MAMLD1: variants seen among roughly 807,000 people sequenced by gnomAD.
The protein encoded by MAMLD1 is mastermind-like domain-containing protein 1.
MAMLD1 carries 14 observed loss-of-function variants against 45.0 expected under a neutral mutation model. The ratio of observed to expected loss-of-function variants is 0.31; its 90% CI spans 0.21 to 0.49. MAMLD1 has a LOEUF of 0.49. Ranked by LOEUF, MAMLD1 falls within the 20% of genes least tolerant of loss-of-function variation. The pLI, the probability that MAMLD1 is intolerant of heterozygous loss-of-function variation, is 0.99. For synonymous variants in MAMLD1, 254 were observed against 247.8 expected, an observed-to-expected ratio of 1.02 and a Z score of -0.24; for missense variants, 543 against 603.6, an observed-to-expected ratio of 0.90 and a Z score of 1.05.
intron 1 of MAMLD1, among the ~76,000 whole-genome samples, chrX:150,400,963 C>T (rs1480870457): frequency 9.1e-6 from 1 of 109,973 alleles, no homozygotes; most frequent in Non-Finnish European, 1.9e-5. Flanking sequence ...CAGGATGATG[C>T]TGGCCTCATA....
intron 5 of MAMLD1, among the ~76,000 whole-genome samples, chrX:150,489,102 C>G (rs1383884369): frequency 8.9e-6 from 1 of 112,160 alleles, no homozygotes; most frequent in African/African-American, 3.2e-5. Context: ...TACAGAATAA[C>G]AATAAAACTC....
At chrX:150,396,302 T>G (rs1200139587) in intron 1 of MAMLD1, among the ~76,000 whole-genome samples, 1 of 109,046 alleles carries the variant, frequency 9.2e-6, no homozygotes, top group Admixed American at 9.8e-5. Flanking sequence ...ACCTAGCCTC[T>G]TCTTTTCTAA....
intron 1 of MAMLD1, among the ~76,000 whole-genome samples, chrX:150,369,362 T>C (rs1557400910): frequency 2.7e-5 from 3 of 112,343 alleles, no homozygotes; most frequent in Non-Finnish European, 5.6e-5. Context: ...AGTCATTTTC[T>C]GGGAAAGTGA....
At chrX:150,373,021 G>A (rs936772914) in intron 1 of MAMLD1, among the ~76,000 whole-genome samples, 3 of 111,616 alleles carry the variant, frequency 2.7e-5, no homozygotes, top group East Asian at 2.8e-4. Context: ...CCCACAGCAC[G>A]AGGTGAGCAC....
intron 1 of MAMLD1, among the ~76,000 whole-genome samples, chrX:150,394,018 G>A (rs948521600): frequency 2.2e-4 from 23 of 105,005 alleles, no homozygotes; most frequent in African/African-American, 8.0e-4. Context: ...GGTGATTTAA[G>A]TTTTTTCTTA....
At chrX:150,403,960 G>GAAAGAAAGAAAGAAAGAAAT (rs2033910369) in intron 1 of MAMLD1, among the ~76,000 whole-genome samples, 1 of 81,007 alleles carries the variant, frequency 1.2e-5, no homozygotes, top group Non-Finnish European at 2.4e-5. Flanking sequence ...AAGAAAGAAA[G>GAAAGAAAGAAAGAAAGAAAT]AAAGAAAGAA....
At chrX:150,384,073 C>T (rs1557401963) in intron 1 of MAMLD1, among the ~76,000 whole-genome samples, 1 of 111,865 alleles carries the variant, frequency 8.9e-6, no homozygotes, top group African/African-American at 3.2e-5. Context: ...CTGTTGTTAA[C>T]ATTCATGTAC....
intron 3 of MAMLD1, among the ~76,000 whole-genome samples, chrX:150,468,829 G>C (rs1184361020): frequency 1.8e-5 from 2 of 110,875 alleles, no homozygotes; most frequent in African/African-American, 6.6e-5. Flanking sequence ...TTAAATTTTT[G>C]GATTATGAGT....
chrX:150,495,683 T>G (rs1557408238), intron 5 of MAMLD1, among the ~76,000 whole-genome samples: 3 of 111,673 alleles, frequency 2.7e-5, no homozygotes, highest in Non-Finnish European at 5.7e-5. Flanking sequence ...GGACACAGAG[T>G]CAGAGAGGGG....
At chrX:150,495,224 AAC>A (rs1432426124) in intron 5 of MAMLD1, among the ~76,000 whole-genome samples, 2 of 111,295 alleles carry the variant, frequency 1.8e-5, no homozygotes, top group Admixed American at 1.9e-4. Context: ...CAAACAAACA[AAC>A]AAACAAACAA....
At chrX:150,498,956 C>G (rs782449772) in intron 5 of MAMLD1, among the ~76,000 whole-genome samples, 70 of 112,502 alleles carry the variant, frequency 6.2e-4, no homozygotes, top group African/African-American at 2.2e-3. Context: ...CCTATCACCT[C>G]TCTTTGATAT....
chrX:150,510,004 C>T lies in MAMLD1; in HGVS notation c.*2C>T, dbSNP rs368568633. 41 of 1,205,436 alleles carry T rather than the reference C, an allele frequency of 3.4e-5. No individual in the cohort carries two copies. In the African/African-American group the frequency reaches 3.7e-4, roughly 11 times the overall value. Reference sequence around the variant, plus strand: ...AGGTCTTATGGCAATGACCCCTGAACGGCAGAATGCATATATCTCCCAACA... The same window carrying T: ...AGGTCTTATGGCAATGACCCCTGAATGGCAGAATGCATATATCTCCCAACA... On this transcript the variant is annotated 3_prime_UTR_variant, in exon 7 of 8. Transcript: ENST00000370401.
chrX:150,403,003 A>G (rs2033852698), intron 1 of MAMLD1, among the ~76,000 whole-genome samples: 1 of 110,415 alleles, frequency 9.1e-6, no homozygotes, highest in East Asian at 2.8e-4. Context: ...GCACACCAGC[A>G]CGGCACATGT....
At chrX:150,375,360 C>T (rs2032258443) in intron 1 of MAMLD1, among the ~76,000 whole-genome samples, 1 of 112,180 alleles carries the variant, frequency 8.9e-6, no homozygotes, top group Non-Finnish European at 1.9e-5. Context: ...GATGAATGCT[C>T]AGGTCCTCAA....
In MAMLD1 at chrX:150,513,847, G is replaced by T. The variant is rs2037968322; in HGVS notation, c.*1888G>T. 3.4e-6 allele frequency: 1 copy of T among 297,732 alleles called. No individual in the cohort carries two copies. The highest frequency in any genetic ancestry group is 6.1e-5 in the Admixed American group (1 of 16,519). The allele number at this position is 297,732 out of a possible 1,213,427, so 24.5% of individuals were successfully genotyped here. ...GCCCAGCTTGTGTGCACCCTCGTGG[G>T]GTTAAGGCGAGCTGTTCCTGGTTTA... On this transcript the variant is annotated 3_prime_UTR_variant, in exon 8 of 8. Transcript: ENST00000370401.
At chrX:150,501,851 T>C (rs1160010543) in intron 5 of MAMLD1, among the ~76,000 whole-genome samples, 1 of 112,380 alleles carries the variant, frequency 8.9e-6, no homozygotes, top group Non-Finnish European at 1.9e-5. Context: ...ACTAAACACA[T>C]GCACACCTCC....
At chrX:150,464,214 A>AGCCTGCATCT (rs2036145993) in intron 3 of MAMLD1, among the ~76,000 whole-genome samples, 1 of 111,780 alleles carries the variant, frequency 8.9e-6, no homozygotes, top group Admixed American at 9.5e-5. Flanking sequence ...CCTCCACCGC[A>AGCCTGCATCT]GCCTGCATCT....
intron 1 of MAMLD1, among the ~76,000 whole-genome samples, chrX:150,372,885 G>T (rs1283531735): frequency 8.9e-6 from 1 of 111,900 alleles, no homozygotes; most frequent in Non-Finnish European, 1.9e-5. Flanking sequence ...GGGAGCACCA[G>T]ACACAAAGGT....
At chrX:150,388,236 T>C (rs180901541) in intron 1 of MAMLD1, among the ~76,000 whole-genome samples, 2 of 112,048 alleles carry the variant, frequency 1.8e-5, no homozygotes, top group African/African-American at 6.5e-5. Context: ...TCATGTTGTT[T>C]AAGTTGTGAC....
Sources: gnomAD v4.1 joint callset for allele counts (sites outside exome capture counted in the v4.1 genomes callset) on GRCh38, gnomAD v4.1.1 for gene constraint, MANE v1.5 for transcripts, NCBI Gene and HGNC (gene_info 2026-07-23, HGNC 2026-07-21) for gene names.